The following GRIN3A variants were observed in gnomAD, a reference collection of about 807,000 sequenced individuals.
The protein encoded by GRIN3A is glutamate receptor ionotropic, NMDA 3A.
Under a neutral mutation model 92.4 loss-of-function variants are expected in GRIN3A, and 47 were observed. That is an observed-to-expected ratio of 0.51 (90% CI 0.40 to 0.65). The LOEUF is 0.65. Ranked by LOEUF, GRIN3A falls within the 30% of genes least tolerant of loss-of-function variation. GRIN3A has a pLI of 0.00. For synonymous variants in GRIN3A, 527 were observed against 540.6 expected, an observed-to-expected ratio of 0.97 and a Z score of 0.35; for missense variants, 1,324 against 1,393.1, an observed-to-expected ratio of 0.95 and a Z score of 0.79.
chr9:101,610,574 C>T (rs62577378), intron 6 of GRIN3A, among the ~76,000 whole-genome samples: 60 of 139,458 alleles, frequency 4.3e-4, no homozygotes, highest in Admixed American at 9.4e-4. Flanking sequence ...AGCTTGCATC[C>T]ATCTATCTAT....
chr9:101,642,968 T>C (rs1274784949), intron 3 of GRIN3A, among the ~76,000 whole-genome samples: 1 of 152,114 alleles, frequency 6.6e-6, no homozygotes, highest in Non-Finnish European at 1.5e-5. Context: ...TTGTGTATCA[T>C]AATGTAGAAA....
At chr9:101,691,695 C>T (rs935497986) in intron 1 of GRIN3A, among the ~76,000 whole-genome samples, 4 of 152,216 alleles carry the variant, frequency 2.6e-5, no homozygotes, top group Non-Finnish European at 4.4e-5. Flanking sequence ...GCATTGTCCT[C>T]TTCAGCAGGT....
chr9:101,606,125 A>G (rs1474869508), intron 6 of GRIN3A, among the ~76,000 whole-genome samples: 1 of 152,010 alleles, frequency 6.6e-6, no homozygotes, highest in African/African-American at 2.4e-5. Context: ...CGCAGGCTGG[A>G]CCCCTGTCTG....
intron 1 of GRIN3A, among the ~76,000 whole-genome samples, chr9:101,706,900 A>G (rs1829821242): frequency 6.6e-6 from 1 of 152,250 alleles, no homozygotes; most frequent in African/African-American, 2.4e-5. Context: ...TAGTCTCTCA[A>G]GTCAGGGAGA....
At chr9:101,727,148 C>G (rs775414225) in intron 1 of GRIN3A, among the ~76,000 whole-genome samples, 33 of 152,036 alleles carry the variant, frequency 2.2e-4, no homozygotes, top group Non-Finnish European at 4.1e-4. Flanking sequence ...GGAAGCAAAT[C>G]TGATTTTAAA....
At chr9:101,687,276 T>C (rs2118979244) in intron 1 of GRIN3A, 76 bp from the exon 2 acceptor site, 3 of 1,424,976 alleles carry the variant, frequency 2.1e-6, no homozygotes, top group South Asian at 2.3e-5. Flanking sequence ...TTTTGCTTTC[T>C]TATGAGGCTT....
chr9:101,730,797 T>C (rs1830128344), intron 1 of GRIN3A, among the ~76,000 whole-genome samples: 1 of 152,150 alleles, frequency 6.6e-6, no homozygotes, highest in African/African-American at 2.4e-5. Context: ...TACTGAAGTA[T>C]TGAAAGTCTA....
In GRIN3A at chr9:101,670,364, A is replaced by G; in HGVS notation, c.2048T>C (p.Val683Ala). The change falls in exon 3 of 9, where the codon GTG (valine) becomes GCG (alanine). Residue 683 changes from valine (V) to alanine (A), a missense_variant. Transcript: ENST00000361820. ...GAAGACGGCAGTGATGTGCAGAGCC[A>G]CAAAAATCCCCAGCCACATTGTCCA... ...LHWTMWLGIFVALHITAVFLT... is the reference protein window; with the variant it reads ...LHWTMWLGIFAALHITAVFLT... 6.2e-7 allele frequency: 1 copy of G among 1,614,062 alleles called. No homozygotes were observed. Among genetic ancestry groups the G allele is most frequent in the Non-Finnish European group, 8.5e-7 (1 of 1,179,964 alleles).
At chr9:101,695,068 A>T (rs1329675450) in intron 1 of GRIN3A, among the ~76,000 whole-genome samples, 1 of 152,210 alleles carries the variant, frequency 6.6e-6, no homozygotes, top group African/African-American at 2.4e-5. Flanking sequence ...TGAAAATGGT[A>T]CTGTTTACCT....
intron 2 of GRIN3A, among the ~76,000 whole-genome samples, chr9:101,686,129 A>G (rs575217836): frequency 6.6e-6 from 1 of 152,336 alleles, no homozygotes; most frequent in East Asian, 1.9e-4. Flanking sequence ...GATTTAGAGA[A>G]ACTTGATTAA....
At chr9:101,698,408 G>C (rs1218607763) in intron 1 of GRIN3A, among the ~76,000 whole-genome samples, 2 of 152,130 alleles carry the variant, frequency 1.3e-5, no homozygotes, top group African/African-American at 4.8e-5. Context: ...CAGGGACCTT[G>C]AGAGATCCTT....
intron 1 of GRIN3A, among the ~76,000 whole-genome samples, chr9:101,726,779 G>T (rs2119036870): frequency 6.6e-6 from 1 of 150,404 alleles, no homozygotes; most frequent in South Asian, 2.1e-4. Flanking sequence ...ATTTTTGTGG[G>T]TACATAGTAG....
At chr9:101,735,950 T>G (rs1403655774) in intron 1 of GRIN3A, among the ~76,000 whole-genome samples, 1 of 152,238 alleles carries the variant, frequency 6.6e-6, no homozygotes, top group Non-Finnish European at 1.5e-5. Flanking sequence ...GTACTCAACC[T>G]TCCTAAGATT....
intron 5 of GRIN3A, among the ~76,000 whole-genome samples, chr9:101,614,302 C>G (rs552754554): frequency 1.6e-3 from 245 of 152,170 alleles, no homozygotes; most frequent in Non-Finnish European, 3.0e-3. Flanking sequence ...TCAGGAGATA[C>G]GTACAAAAAT....
intron 6 of GRIN3A, 72 bp from the exon 7 acceptor site, chr9:101,579,432 G>T: frequency 6.9e-7 from 1 of 1,457,428 alleles, no homozygotes; most frequent in Non-Finnish European, 9.6e-7. Flanking sequence ...GTACTCTTTG[G>T]TTTTCAGATG....
intron 1 of GRIN3A, among the ~76,000 whole-genome samples, chr9:101,694,289 A>C (rs1189258423): frequency 6.6e-6 from 1 of 152,178 alleles, no homozygotes; most frequent in Admixed American, 6.6e-5. Context: ...TCCATTTTAT[A>C]CCAGGCTATG....
intron 2 of GRIN3A, among the ~76,000 whole-genome samples, chr9:101,675,387 T>A (rs1829381873): frequency 1.3e-5 from 2 of 151,966 alleles, no homozygotes; most frequent in African/African-American, 4.8e-5. Context: ...ATATTTAATA[T>A]ATATTTTAGA....
intron 1 of GRIN3A, among the ~76,000 whole-genome samples, chr9:101,727,324 A>C (rs988072041): frequency 4.6e-5 from 7 of 152,232 alleles, no homozygotes; most frequent in African/African-American, 1.4e-4. Flanking sequence ...TATAACACAC[A>C]TATATGAGTA....
chr9:101,716,415 T>C (rs1829948882), intron 1 of GRIN3A, among the ~76,000 whole-genome samples: 1 of 152,232 alleles, frequency 6.6e-6, no homozygotes, highest in African/African-American at 2.4e-5. Flanking sequence ...TTCTATTTAA[T>C]TAATACCTCA....
Sources: gnomAD v4.1 joint callset for allele counts (sites outside exome capture counted in the v4.1 genomes callset) on GRCh38, gnomAD v4.1.1 for gene constraint, MANE v1.5 for transcripts, NCBI Gene and HGNC (gene_info 2026-07-23, HGNC 2026-07-21) for gene names.